NTRK3: variants seen among roughly 807,000 people sequenced by gnomAD.
NTRK3 encodes neurotrophic receptor tyrosine kinase 3, also known as NT-3 growth factor receptor.
A neutral mutation model predicts 91.7 loss-of-function variants in NTRK3; 24 were observed. The ratio of observed to expected loss-of-function variants is 0.26; its 90% CI spans 0.19 to 0.37. The LOEUF (loss-of-function observed/expected upper bound fraction) is 0.37. Among genes scored for constraint, NTRK3 ranks in the 10% least tolerant of loss-of-function variants. NTRK3 has a pLI of 1.00. For missense variants in NTRK3, 880 were observed against 1,068.9 expected, an observed-to-expected ratio of 0.82 and a Z score of 2.46; for synonymous variants, 483 against 404.0, an observed-to-expected ratio of 1.20 and a Z score of -2.34.
At chr15:87,994,358 C>T (rs928809009) in intron 14 of NTRK3, among the ~76,000 whole-genome samples, 1 of 152,122 alleles carries the variant, frequency 6.6e-6, no homozygotes, top group Non-Finnish European at 1.5e-5. Flanking sequence ...GGCCCTAATC[C>T]AATATTACTA....
chr15:87,984,903 T>A (rs2074610343), intron 14 of NTRK3, among the ~76,000 whole-genome samples: 1 of 152,186 alleles, frequency 6.6e-6, no homozygotes, highest in African/African-American at 2.4e-5. Flanking sequence ...CCTTCACCCC[T>A]GCACTTATTT....
chr15:88,199,474 T>G (rs953489876), intron 3 of NTRK3, among the ~76,000 whole-genome samples: 4 of 152,214 alleles, frequency 2.6e-5, no homozygotes, highest in African/African-American at 9.6e-5. Context: ...GAGTTCTCCT[T>G]CCCAGAGCTG....
chr15:87,923,601 C>G (rs559639394), intron 17 of NTRK3, among the ~76,000 whole-genome samples: 6 of 152,276 alleles, frequency 3.9e-5, no homozygotes, highest in Non-Finnish European at 7.4e-5. Flanking sequence ...AGTTGGCCTA[C>G]CTTAACTAAT....
At chr15:88,056,164 C>T (rs2045657378) in intron 13 of NTRK3, among the ~76,000 whole-genome samples, 1 of 131,052 alleles carries the variant, frequency 7.6e-6, no homozygotes, top group South Asian at 2.5e-4. Context: ...ATTACAAGCA[C>T]AGACTGTTTT....
intron 17 of NTRK3, among the ~76,000 whole-genome samples, chr15:87,901,582 C>A (rs2066454681): frequency 1.3e-5 from 2 of 152,230 alleles, no homozygotes; most frequent in Admixed American, 1.3e-4. Flanking sequence ...GGGCTAAGTT[C>A]TTGTCCCAGT....
chr15:87,952,131 GAAAGAAAAGA>G (rs571140215), intron 14 of NTRK3, among the ~76,000 whole-genome samples: 5 of 124,356 alleles, frequency 4.0e-5, no homozygotes, highest in Admixed American at 8.3e-5. Context: ...CATTTCAAAA[GAAAGAAAAGA>G]AAAGAAAAGA....
rs536485464 is a variant in NTRK3, at chr15:88,015,681, A to C, written c.1585+17176T>G. Among the ~76,000 whole-genome samples the C allele has an allele frequency of 5.3e-5, 8 of 152,156 alleles. No homozygotes were observed. The East Asian group carries it at 1.4e-3, about 26-fold the overall frequency. On this transcript the variant is annotated intron_variant, in intron 14 of 18. Coordinates refer to ENST00000394480, the Ensembl canonical transcript of NTRK3. Reference sequence around the variant, plus strand: ...CCCCAGCTGGAGTGTGGACTCCCTCATGCGGGGATGATGCCACTCTGTTCA... The same window carrying C: ...CCCCAGCTGGAGTGTGGACTCCCTCCTGCGGGGATGATGCCACTCTGTTCA...
At chr15:88,236,155 A>G (rs897502177) in intron 3 of NTRK3, among the ~76,000 whole-genome samples, 2 of 152,252 alleles carry the variant, frequency 1.3e-5, no homozygotes, top group African/African-American at 4.8e-5. Context: ...GAATGTTCAT[A>G]GCAGATTTAT....
chr15:88,196,642 A>C (rs1308588096), intron 3 of NTRK3, among the ~76,000 whole-genome samples: 1 of 152,238 alleles, frequency 6.6e-6, no homozygotes, highest in Non-Finnish European at 1.5e-5. Flanking sequence ...TCCTCACCCA[A>C]GTGAAGGAAA....
intron 5 of NTRK3, 47 bp downstream of exon 5, chr15:88,183,371 G>GAGT (rs2046679888): frequency 1.3e-6 from 2 of 1,593,234 alleles, no homozygotes; most frequent in Middle Eastern, 1.7e-4. Context: ...ACTGCCCCAA[G>GAGT]AGTACCTGCC....
intron 14 of NTRK3, among the ~76,000 whole-genome samples, chr15:87,948,889 T>C (rs984169610): frequency 2.6e-5 from 4 of 152,152 alleles, no homozygotes; most frequent in African/African-American, 9.7e-5. Context: ...CCCTAGGCCT[T>C]CTCTGGATTA....
chr15:88,228,389 T>C (rs1015255629), intron 3 of NTRK3, among the ~76,000 whole-genome samples: 1 of 152,182 alleles, frequency 6.6e-6, no homozygotes, highest in African/African-American at 2.4e-5. Context: ...CTGGCTGTTA[T>C]GGCTCAATCT....
At chr15:87,971,029 T>TTAA (rs2141272658) in intron 14 of NTRK3, among the ~76,000 whole-genome samples, 1 of 152,312 alleles carries the variant, frequency 6.6e-6, no homozygotes, top group East Asian at 1.9e-4. Context: ...CCATTTGGTA[T>TTAA]CAGAGGTACT....
chr15:88,063,677 C>G (rs1211116180), intron 13 of NTRK3, among the ~76,000 whole-genome samples: 8 of 152,150 alleles, frequency 5.3e-5, no homozygotes, highest in African/African-American at 1.9e-4. Context: ...CTCTAGCAGG[C>G]ACATATCTAT....
chr15:88,007,194 T>C (rs2076556270), intron 14 of NTRK3, among the ~76,000 whole-genome samples: 1 of 152,238 alleles, frequency 6.6e-6, no homozygotes. Context: ...ATAATAACTA[T>C]CCTATATGGG....
At chr15:87,975,287 T>C (rs1248365832) in intron 14 of NTRK3, among the ~76,000 whole-genome samples, 2 of 152,114 alleles carry the variant, frequency 1.3e-5, no homozygotes, top group African/African-American at 4.8e-5. Context: ...CAAGATCTTA[T>C]TGGTACAGTT....
chr15:87,997,493 G>A (rs2009966), intron 14 of NTRK3, among the ~76,000 whole-genome samples: 70,700 of 151,760 alleles, frequency 0.47, 17,768 homozygotes, highest in African/African-American at 0.67. Context: ...CACTAAATTG[G>A]CAGGGCCTGG....
intron 3 of NTRK3, among the ~76,000 whole-genome samples, chr15:88,232,999 C>A (rs148047114): frequency 1.3e-5 from 2 of 152,260 alleles, no homozygotes; most frequent in African/African-American, 4.8e-5. Context: ...ACCCTCCCCC[C>A]AGCCCAGAGC....
chr15:87,882,823 C>T (rs2065325374), intron 17 of NTRK3, among the ~76,000 whole-genome samples: 1 of 151,894 alleles, frequency 6.6e-6, no homozygotes, highest in Non-Finnish European at 1.5e-5. Context: ...AAATCTTTAA[C>T]TAATACCAAA....
Sources: gnomAD v4.1 joint callset for allele counts (sites outside exome capture counted in the v4.1 genomes callset) on GRCh38, gnomAD v4.1.1 for gene constraint, MANE v1.5 for transcripts, NCBI Gene and HGNC (gene_info 2026-07-23, HGNC 2026-07-21) for gene names.